SLIT1: variants seen among roughly 807,000 people sequenced by gnomAD.
SLIT1 encodes the protein slit guidance ligand 1, also known as slit homolog 1 protein.
In SLIT1, 66 loss-of-function variants were observed where a neutral mutation model predicts 186.1. The ratio of observed to expected loss-of-function variants is 0.35; its 90% CI spans 0.29 to 0.44. SLIT1 has a LOEUF of 0.44. SLIT1 is among the 20% of genes least tolerant of loss of function. The probability of loss-of-function intolerance (pLI) is 1.00; values close to 1 mark genes in which losing one functional copy is unlikely to be tolerated. For synonymous variants in SLIT1, 761 were observed against 833.8 expected, an observed-to-expected ratio of 0.91 and a Z score of 1.50; for missense variants, 1,638 against 2,037.4, an observed-to-expected ratio of 0.80 and a Z score of 3.77.
At chr10:97,168,011 C>T (rs111748370) in intron 1 of SLIT1, among the ~76,000 whole-genome samples, 1,648 of 152,196 alleles carry the variant, frequency 0.011, 25 homozygotes, top group African/African-American at 0.036. Context: ...AGTGTGAGAA[C>T]GGACTAATAA....
chr10:97,134,775 A>AT (rs1439850787), intron 4 of SLIT1, among the ~76,000 whole-genome samples: 1 of 152,084 alleles, frequency 6.6e-6, no homozygotes, highest in Non-Finnish European at 1.5e-5. Context: ...TTCCCCTTTG[A>AT]TTTTTTGGGG....
chr10:97,181,558 G>A (rs555150339), intron 1 of SLIT1, among the ~76,000 whole-genome samples: 27 of 152,226 alleles, frequency 1.8e-4, no homozygotes, highest in Admixed American at 1.5e-3. Flanking sequence ...TAAGGAGGAC[G>A]GCAAGGCTGG....
chr10:97,099,740 G>A (rs909443115), intron 4 of SLIT1, among the ~76,000 whole-genome samples: 1 of 152,184 alleles, frequency 6.6e-6, no homozygotes, highest in Non-Finnish European at 1.5e-5. Flanking sequence ...CAGAAGGAGA[G>A]GGAAGCTATG....
At position 97,143,392 on chromosome 10, in the gene SLIT1, T is replaced by C. The variant is rs889953672; in HGVS notation, c.413+14426A>G. ...AATAAGGCAGGCACAAAAAGACAAA[T>C]GCCATGTGATTCCATTCATATGAGG... On this transcript the variant is annotated intron_variant, in intron 4 of 36. Coordinates refer to ENST00000266058, the MANE Select transcript of SLIT1 (RefSeq NM_003061.3). Among the ~76,000 whole-genome samples, 3 of 152,166 alleles carry C rather than the reference T, an allele frequency of 2.0e-5. No homozygotes were observed. In the East Asian group the frequency reaches 5.8e-4, roughly 29 times the overall value.
intron 4 of SLIT1, among the ~76,000 whole-genome samples, chr10:97,126,470 G>A (rs1300228558): frequency 2.0e-5 from 3 of 152,146 alleles, no homozygotes; most frequent in Non-Finnish European, 2.9e-5. Flanking sequence ...GTGGAGATGA[G>A]GCTTTTAAAG....
At chr10:97,002,600 AG>A in intron 35 of SLIT1, 103 bp downstream of exon 35, 1 of 1,130,760 alleles carries the variant, frequency 8.8e-7, no homozygotes, top group Non-Finnish European at 1.2e-6. Flanking sequence ...ACCCTGGCTT[AG>A]GCTACATGTT....
chr10:97,053,106 A>G (rs1276449220), intron 13 of SLIT1, among the ~76,000 whole-genome samples: 1 of 152,234 alleles, frequency 6.6e-6, no homozygotes, highest in African/African-American at 2.4e-5. Context: ...TGTTTTAGGT[A>G]AAATCAGGAT....
intron 4 of SLIT1, among the ~76,000 whole-genome samples, chr10:97,145,116 A>C (rs1191797129): frequency 6.6e-6 from 1 of 152,006 alleles, no homozygotes; most frequent in Non-Finnish European, 1.5e-5. Context: ...TTATTAAATG[A>C]TGTACAGTAT....
rs754653279 is a variant in SLIT1 at position 97,043,342 on chromosome 10, G to C, written c.1997+28C>G. On this transcript the variant is annotated intron_variant, in intron 19 of 36. Coordinates refer to ENST00000266058, the MANE Select transcript of SLIT1 (RefSeq NM_003061.3). The surrounding 1 kb of genome is among the most constrained non-coding windows in gnomAD (Gnocchi z 7.0). ...TTGGGACGGTTGCTCCAGAGCCCCC[G>C]CCCGCCTGTCCTGGAGGCCGGACTC... 2 of 1,612,242 alleles carry C rather than the reference G, an allele frequency of 1.2e-6. No homozygotes were observed. Among genetic ancestry groups the C allele is most frequent in the Non-Finnish European group, 1.7e-6 (2 of 1,179,592 alleles).
chr10:97,065,790 T>G, intron 5 of SLIT1: 1 of 502,216 alleles, frequency 2.0e-6, no homozygotes, highest in Non-Finnish European at 3.6e-6. Flanking sequence ...AAGGGCCCCC[T>G]CCGTTGGCTC....
At chr10:97,051,094 G>A (rs1848782321) in intron 13 of SLIT1, among the ~76,000 whole-genome samples, 1 of 152,168 alleles carries the variant, frequency 6.6e-6, no homozygotes, top group Admixed American at 6.5e-5. Context: ...TGGAAGGAAA[G>A]GAAGAGAGGA....
intron 11 of SLIT1, chr10:97,058,146 A>C (rs1589377746): frequency 1.5e-6 from 1 of 688,244 alleles, no homozygotes. Context: ...CTTGGTCTTT[A>C]CCCAGCCAGC....
chr10:97,050,035 C>T (rs1848773684), intron 13 of SLIT1, among the ~76,000 whole-genome samples: 1 of 152,216 alleles, frequency 6.6e-6, no homozygotes, highest in Non-Finnish European at 1.5e-5. Context: ...GAAGAGCATT[C>T]CTACACCTGT....
chr10:97,036,854 T>C (rs2134616142), intron 22 of SLIT1, among the ~76,000 whole-genome samples: 1 of 152,272 alleles, frequency 6.6e-6, no homozygotes, highest in East Asian at 1.9e-4. Flanking sequence ...TATATTTTCA[T>C]GGAGTAGAAG....
At chr10:97,009,746 G>T (rs982783169) in intron 31 of SLIT1, among the ~76,000 whole-genome samples, 2 of 152,186 alleles carry the variant, frequency 1.3e-5, no homozygotes, top group African/African-American at 4.8e-5. Context: ...TAAGGGACTT[G>T]TCTAGAATAT....
intron 4 of SLIT1, among the ~76,000 whole-genome samples, chr10:97,075,415 AGGAG>A (rs1326494663): frequency 6.6e-6 from 1 of 152,130 alleles, no homozygotes; most frequent in East Asian, 1.9e-4. Flanking sequence ...TGTAGGGAGG[AGGAG>A]GGAGGGTCAG....
intron 4 of SLIT1, among the ~76,000 whole-genome samples, chr10:97,072,140 T>C (rs916787241): frequency 1.6e-4 from 25 of 152,132 alleles, no homozygotes; most frequent in African/African-American, 6.0e-4. Context: ...AGGGCTGTGA[T>C]ATGACCATCT....
chr10:97,042,174 G>A (rs1848696017), intron 20 of SLIT1, among the ~76,000 whole-genome samples: 1 of 152,124 alleles, frequency 6.6e-6, no homozygotes, highest in African/African-American at 2.4e-5. Flanking sequence ...GCTGAGGGTG[G>A]AGCTGCCACT....
intron 4 of SLIT1, among the ~76,000 whole-genome samples, chr10:97,083,452 T>C (rs1189998252): frequency 6.6e-6 from 1 of 152,148 alleles, no homozygotes; most frequent in Non-Finnish European, 1.5e-5. Context: ...ATGGATGAAC[T>C]TGGAGGGAGG....
Sources: allele counts gnomAD v4.1 joint callset (sites outside exome capture counted in the v4.1 genomes callset), GRCh38; gene constraint gnomAD v4.1.1; non-coding constraint Gnocchi (gnomAD v3.1); transcripts MANE v1.5; gene names NCBI Gene and HGNC (gene_info 2026-07-23, HGNC 2026-07-21).